The following RIIAD1 variants were observed in gnomAD, a reference collection of about 807,000 sequenced individuals.
RIIAD1 encodes regulatory subunit of type II PKA R-subunit domain containing 1.
In RIIAD1, 15 loss-of-function variants were observed where a neutral mutation model predicts 13.3. That is an observed-to-expected ratio of 1.13 (90% confidence interval 0.76 to 1.74). The LOEUF is 1.74. Among genes scored for constraint, RIIAD1 ranks in the 40% most tolerant of loss-of-function variants. The probability of loss-of-function intolerance (pLI) is 0.00; values close to 1 mark genes in which losing one functional copy is unlikely to be tolerated. For missense variants in RIIAD1, 121 were observed against 112.2 expected (o/e 1.08, Z -0.35); for synonymous variants, 50 against 43.3 (o/e 1.16, Z -0.61).
intron 2 of RIIAD1, 146 bp downstream of exon 2, chr1:151,722,308 C>T (rs2101507045): frequency 3.2e-6 from 2 of 618,076 alleles, no homozygotes; most frequent in Non-Finnish European, 5.8e-6. Flanking sequence ...CCTTATGACA[C>T]TTGGAAGAGG....
upstream of RIIAD1, among the ~76,000 whole-genome samples, chr1:151,721,133 A>G (rs778996255): frequency 3.3e-5 from 5 of 152,194 alleles, no homozygotes; most frequent in African/African-American, 4.8e-5. Flanking sequence ...TGTACCGGAC[A>G]GAGGGACGGG....
upstream of RIIAD1, chr1:151,716,809 C>A: frequency 2.1e-6 from 1 of 467,120 alleles, no homozygotes; most frequent in Non-Finnish European, 4.4e-6. Context: ...AAACCTCCCC[C>A]CTCCACACCC....
chr1:151,722,114 A>G lies in RIIAD1; in HGVS notation c.113A>G (p.Tyr38Cys), dbSNP rs1319122378. The change falls in exon 2 of 5, where the codon TAC (tyrosine) becomes TGC (cysteine). Residue 38 changes from tyrosine (Y) to cysteine (C), a missense_variant. By Grantham distance (194) the Tyr-to-Cys change is radical. Coordinates refer to ENST00000479191, the MANE Select transcript of RIIAD1 (RefSeq NM_001144956.3). ...KIQTRIANEK[Y>C]LRTHKEVEWL... ...CAGACTCGGATTGCTAACGAAAAGT[A>G]CCTAAGGACCCACAAAGAAGTAGAG... 6.4e-7 allele frequency: 1 copy of G among 1,551,342 alleles called. No homozygotes were observed. Among genetic ancestry groups the G allele is most frequent in the South Asian group, 1.2e-5 (1 of 84,052 alleles).
chr1:151,723,689 G>A (rs1169393676), intron 2 of RIIAD1, among the ~76,000 whole-genome samples: 1 of 152,204 alleles, frequency 6.6e-6, no homozygotes, highest in Non-Finnish European at 1.5e-5. Flanking sequence ...GACAGAGCAA[G>A]ATTCTATCTC....
In RIIAD1 at chr1:151,716,066, A is replaced by G. The variant is rs1410605841; in HGVS notation, c.21+1537A>G. ...GGCCGAGGGGAGCAGGGAGAGGCCC[A>G]AAGGCCAAGGGGAGCTGCCCAGCAA... On this transcript the variant is annotated intron_variant, in intron 4 of 8. Transcript: ENST00000326413. 7 of 1,560,698 alleles carry G rather than the reference A, an allele frequency of 4.5e-6. No individual in the cohort carries two copies. In the South Asian group the frequency reaches 8.5e-5, roughly 19 times the overall value.
At chr1:151,720,813 T>C (rs915083245), upstream of RIIAD1, among the ~76,000 whole-genome samples, 1 of 152,346 alleles carries the variant, frequency 6.6e-6, no homozygotes, top group East Asian at 1.9e-4. Context: ...TCTGGCTTTA[T>C]GTTTCACTTT....
At chr1:151,717,724 T>G (rs1190449866), upstream of RIIAD1, among the ~76,000 whole-genome samples, 1 of 152,240 alleles carries the variant, frequency 6.6e-6, no homozygotes, top group East Asian at 1.9e-4. Flanking sequence ...CAATTACTCT[T>G]TCCTTTGCTT....
At chr1:151,722,212 G>T in intron 2 of RIIAD1, 50 bp downstream of exon 2, 1 of 1,113,082 alleles carries the variant, frequency 9.0e-7, no homozygotes, top group Non-Finnish European at 1.3e-6. Context: ...GGTTTTCTTC[G>T]TTATCTCTAG....
intron 2 of RIIAD1, among the ~76,000 whole-genome samples, chr1:151,723,186 G>A (rs919069600): frequency 2.0e-5 from 3 of 152,140 alleles, no homozygotes; most frequent in African/African-American, 7.2e-5. Context: ...CCTGAGGTCG[G>A]GAGTTCGAGA....
At chr1:151,724,553 G>A (rs923148123) in intron 2 of RIIAD1, among the ~76,000 whole-genome samples, 2 of 152,200 alleles carry the variant, frequency 1.3e-5, no homozygotes, top group African/African-American at 4.8e-5. Flanking sequence ...CAAGCCAAAA[G>A]AAGCTCTGAA....
At chr1:151,725,108 T>A (rs1361618557) in intron 2 of RIIAD1, among the ~76,000 whole-genome samples, 1 of 9,844 alleles carries the variant, frequency 1.0e-4, no homozygotes, top group Non-Finnish European at 3.4e-4. Context: ...GCACCTCGCC[T>A]TTTTTTTTTT....
intron 4 of RIIAD1, chr1:151,715,650 GTCTTGACAAC>G (rs1558113101): frequency 6.6e-7 from 1 of 1,504,640 alleles, no homozygotes; most frequent in South Asian, 1.2e-5. Context: ...CTTTGCAGCC[GTCTTGACAAC>G]TCTTCAGCCA....
chr1:151,711,661 T>A (rs1673031912), intron 1 of RIIAD1, among the ~76,000 whole-genome samples: 1 of 152,180 alleles, frequency 6.6e-6, no homozygotes, highest in South Asian at 2.1e-4. Flanking sequence ...GGCTTTCACC[T>A]CCTTCTCTCC....
chr1:151,714,816 C>A (rs1673333205), intron 4 of RIIAD1: 2 of 661,116 alleles, frequency 3.0e-6, no homozygotes, highest in Non-Finnish European at 5.3e-6. Flanking sequence ...AGAGAGGTGT[C>A]TCCAAGGGGT....
intron 3 of RIIAD1, among the ~76,000 whole-genome samples, chr1:151,713,890 G>A (rs1027761116): frequency 9.9e-5 from 15 of 152,206 alleles, no homozygotes; most frequent in African/African-American, 3.6e-4. Context: ...AAGACACAAA[G>A]AGATAGGACC....
intron 4 of RIIAD1, 123 bp downstream of exon 4, chr1:151,729,016 G>A (rs1647256484): frequency 3.3e-6 from 2 of 598,956 alleles, no homozygotes; most frequent in Non-Finnish European, 3.0e-6. Context: ...TAATGTAAAT[G>A]TTTAGTTTTT....
At chr1:151,724,886 G>A (rs1000876036) in intron 2 of RIIAD1, among the ~76,000 whole-genome samples, 13 of 149,342 alleles carry the variant, frequency 8.7e-5, no homozygotes, top group Non-Finnish European at 1.6e-4. Context: ...TGCAACCTCC[G>A]CCTCCCGTAT....
At chr1:151,722,849 C>G (rs1398042823) in intron 2 of RIIAD1, among the ~76,000 whole-genome samples, 1 of 152,172 alleles carries the variant, frequency 6.6e-6, no homozygotes, top group Non-Finnish European at 1.5e-5. Flanking sequence ...GTTCTCAGTG[C>G]CCACGCAGTG....
chr1:151,711,740 AC>A (rs1673037355), intron 1 of RIIAD1: 1 of 152,210 alleles, frequency 6.6e-6, no homozygotes, highest in Non-Finnish European at 1.5e-5. Context: ...CCACCCCTAC[AC>A]CCACGCCAAA....
Sources: gnomAD v4.1 joint callset for allele counts (sites outside exome capture counted in the v4.1 genomes callset) on GRCh38, gnomAD v4.1.1 for gene constraint, MANE v1.5 for transcripts, NCBI Gene and HGNC (gene_info 2026-07-23, HGNC 2026-07-21) for gene names.